Variants in ADAM22 observed in about 807,000 individuals in gnomAD.
ADAM22 encodes the protein ADAM metallopeptidase domain 22.
A neutral mutation model predicts 144.6 loss-of-function variants in ADAM22; 65 were observed. That is an observed-to-expected ratio of 0.45 (90% CI 0.37 to 0.55). The LOEUF is 0.55. Ranked by LOEUF, ADAM22 falls within the 20% of genes least tolerant of loss-of-function variation. The pLI is 0.00. For synonymous variants in ADAM22, 391 were observed against 412.6 expected, an observed-to-expected ratio of 0.95 and a Z score of 0.63; for missense variants, 974 against 1,184.9, an observed-to-expected ratio of 0.82 and a Z score of 2.61.
At chr7:88,074,292 A>T (rs1813611501) in intron 3 of ADAM22, among the ~76,000 whole-genome samples, 1 of 152,200 alleles carries the variant, frequency 6.6e-6, no homozygotes, top group South Asian at 2.1e-4. Context: ...AGTAATTGAC[A>T]TTTCTTGATC....
At position 88,039,464 on chromosome 7, in the gene ADAM22, A is replaced by AAAAAAAAAAAAAATAT; in HGVS notation, c.324-36161_324-36160insAAAAAAAAAAAATATA. ...GATTCTGTCTCAAAAAAAAAAAAAA[A>AAAAAAAAAAAAAATAT]ATATATATATATATATATATACATT... is the stretch of plus-strand genomic sequence containing the variant. On this transcript the variant is annotated intron_variant, in intron 3 of 31. Transcript: ENST00000413139. Among the ~76,000 whole-genome samples, 14 of 76,402 alleles carry AAAAAAAAAAAAAATAT rather than the reference A, an allele frequency of 1.8e-4. 1 individual carries two copies. The highest frequency in any genetic ancestry group is 1.6e-3 in the East Asian group (3 of 1,890). 50.1% of individuals were successfully genotyped at this position (76,402 alleles called of 152,430 possible).
At chr7:88,032,871 C>T (rs1278449406) in intron 3 of ADAM22, among the ~76,000 whole-genome samples, 1 of 152,132 alleles carries the variant, frequency 6.6e-6, no homozygotes, top group East Asian at 1.9e-4. Flanking sequence ...TCTTGCTAGC[C>T]ATATGAAGAT....
Position 87,934,418 on chromosome 7 carries a change from G to T in ADAM22, c.-48G>T, listed in dbSNP as rs745851028. 6.5e-7 allele frequency: 1 copy of T among 1,541,802 alleles called. No individual in the cohort carries two copies. Among genetic ancestry groups the T allele is most frequent in the Non-Finnish European group, 8.7e-7 (1 of 1,146,932 alleles). On this transcript the variant is annotated 5_prime_UTR_variant, in exon 1 of 32. Transcript: ENST00000413139. ...CGAGGGAAACGGACTCGGCGGCGCC[G>T]GCATGAGGAGCTGAGCGTCTCGGGC...
chr7:88,003,567 A>G lies in ADAM22; in HGVS notation c.323+25155A>G, dbSNP rs112734019. Among the ~76,000 whole-genome samples the G allele has an allele frequency of 7.1e-3, 1,085 of 152,316 alleles. 5 individuals are homozygous for G. The highest frequency in any genetic ancestry group is 0.025 in the African/African-American group (1,039 of 41,568). On this transcript the variant is annotated intron_variant, in intron 3 of 31. Coordinates refer to ENST00000413139, the MANE Select transcript of ADAM22 (RefSeq NM_001324418.2). ...TTCAAAAGACAGAATTACATGTCAGAATTAAGAAAGATATTGTGAAATATT... is the reference window on the plus strand; with the variant it reads ...TTCAAAAGACAGAATTACATGTCAGGATTAAGAAAGATATTGTGAAATATT...
chr7:87,939,531 T>G (rs1312013062), intron 2 of ADAM22, among the ~76,000 whole-genome samples: 1 of 152,206 alleles, frequency 6.6e-6, no homozygotes, highest in Non-Finnish European at 1.5e-5. Flanking sequence ...AGCTGTGTAC[T>G]TTAGTTCACT....
rs1218012830 is a variant in ADAM22, at chr7:88,165,799, T to C, written c.2077-33T>C. The C allele has an allele frequency of 2.7e-6, 4 of 1,455,550 alleles. No individual in the cohort carries two copies. The South Asian group carries it at 4.8e-5, about 17-fold the overall frequency. 90.2% of individuals were successfully genotyped at this position (1,455,550 alleles called of 1,614,324 possible). The stretch of plus-strand genomic sequence containing the variant: ...TTTTCATGCTTCTGTACCAGAGAGT[T>C]GACATTTACTCTAGCTTGATTTTGG... On this transcript the variant is annotated intron_variant, in intron 23 of 31. Coordinates refer to ENST00000413139, the MANE Select transcript of ADAM22 (RefSeq NM_001324418.2).
At chr7:88,189,203 A>G (rs1849028034) in intron 30 of ADAM22, among the ~76,000 whole-genome samples, 1 of 152,164 alleles carries the variant, frequency 6.6e-6, no homozygotes, top group Non-Finnish European at 1.5e-5. Context: ...ACCAGGAAGG[A>G]GCAAGTGAGA....
chr7:87,959,297 G>A (rs927420701), intron 2 of ADAM22, among the ~76,000 whole-genome samples: 1 of 151,988 alleles, frequency 6.6e-6, no homozygotes, highest in Non-Finnish European at 1.5e-5. Flanking sequence ...TATGTTGTGA[G>A]GATTAAAAAA....
intron 3 of ADAM22, among the ~76,000 whole-genome samples, chr7:88,032,169 A>G (rs1221814076): frequency 6.6e-6 from 1 of 152,206 alleles, no homozygotes; most frequent in African/African-American, 2.4e-5. Context: ...CCCCAGAATG[A>G]TAGATCCACT....
chr7:88,151,571 G>A (rs2129526366), intron 20 of ADAM22, among the ~76,000 whole-genome samples: 1 of 152,282 alleles, frequency 6.6e-6, no homozygotes, highest in South Asian at 2.1e-4. Context: ...CAGGCAGATG[G>A]AGCCCATGCC....
chr7:88,055,388 T>C (rs111254770), intron 3 of ADAM22, among the ~76,000 whole-genome samples: 5 of 152,264 alleles, frequency 3.3e-5, no homozygotes, highest in African/African-American at 1.2e-4. Context: ...CGCTTTTTTT[T>C]TCTTTCTTTT....
Position 88,165,892 on chromosome 7 carries a change from A to T in ADAM22, c.2137A>T (p.Thr713Ser), listed in dbSNP as rs199870639. 300 of 1,611,994 alleles carry T rather than the reference A, an allele frequency of 1.9e-4. No individual in the cohort carries two copies. Among genetic ancestry groups the T allele is most frequent in the Non-Finnish European group, 2.4e-4 (285 of 1,179,012 alleles). The part of the protein sequence containing the change: ...NRHWIGSDCN[T>S]YFPHNDDAKT... ...ACACTGGATAGGTTCTGATTGCAAC[A>T]CTTACTTCCCTCACAATGATGATGC... The change falls in exon 24 of 32, where the codon ACT becomes TCT. Residue 713 changes from threonine (T) to serine (S), a missense_variant. Coordinates refer to ENST00000413139, the MANE Select transcript of ADAM22 (RefSeq NM_001324418.2).
At chr7:87,953,964 C>T (rs1233358838) in intron 2 of ADAM22, among the ~76,000 whole-genome samples, 4 of 152,034 alleles carry the variant, frequency 2.6e-5, no homozygotes, top group Non-Finnish European at 5.9e-5. Context: ...AGGATTGCAA[C>T]CCCTGCCTTT....
In ADAM22 at chr7:88,130,515, A is replaced by G. The variant is rs1226258600; in HGVS notation, c.825+56A>G. 4.7e-6 allele frequency: 7 copies of G among 1,486,502 alleles called. No individual in the cohort carries two copies. In the East Asian group the frequency reaches 9.1e-5, roughly 19 times the overall value. The allele number at this position is 1,486,502 out of a possible 1,614,324, so 92.1% of individuals were successfully genotyped here. A position where few individuals can be genotyped will look rare whatever the true frequency, so the allele number is the denominator to read the frequency against. On this transcript the variant is annotated intron_variant, in intron 10 of 31. Transcript: ENST00000413139. ...AGAAGATTCTTATTTCCTAATTGCTAATAGAATGGATAATATGATTCTTAT... is the reference window on the plus strand; with the variant it reads ...AGAAGATTCTTATTTCCTAATTGCTGATAGAATGGATAATATGATTCTTAT...
chr7:87,944,153 A>G (rs1215472003), intron 2 of ADAM22, among the ~76,000 whole-genome samples: 1 of 149,860 alleles, frequency 6.7e-6, no homozygotes, highest in South Asian at 2.1e-4. Context: ...TTTTTTTTCA[A>G]TTTGCCTTTT....
intron 14 of ADAM22, among the ~76,000 whole-genome samples, chr7:88,141,931 C>G (rs567813912): frequency 1.3e-5 from 2 of 152,216 alleles, no homozygotes; most frequent in East Asian, 3.9e-4. Flanking sequence ...AGTAGAATTA[C>G]TAGATCCAAA....
intron 7 of ADAM22, 131 bp from the exon 8 acceptor site, chr7:88,125,458 G>T (rs1830188859): frequency 1.7e-6 from 1 of 578,266 alleles, no homozygotes. Context: ...TTACTTAATG[G>T]TTTGTGTGAT....
At chr7:87,995,832 T>G (rs1446783537) in intron 3 of ADAM22, among the ~76,000 whole-genome samples, 1 of 152,250 alleles carries the variant, frequency 6.6e-6, no homozygotes, top group Non-Finnish European at 1.5e-5. Context: ...AATAGGAATG[T>G]TTTTAAATTT....
intron 4 of ADAM22, among the ~76,000 whole-genome samples, chr7:88,096,461 G>A (rs1821325806): frequency 6.6e-6 from 1 of 150,452 alleles, no homozygotes; most frequent in Admixed American, 6.6e-5. Context: ...GCATCCTAAA[G>A]CTCTGCTACA....
Sources: gnomAD v4.1 joint callset for allele counts (sites outside exome capture counted in the v4.1 genomes callset) on GRCh38, gnomAD v4.1.1 for gene constraint, MANE v1.5 for transcripts, NCBI Gene and HGNC (gene_info 2026-07-23, HGNC 2026-07-21) for gene names.